The following SPIRE1 variants were observed in gnomAD, a reference collection of about 807,000 sequenced individuals.
SPIRE1 encodes the protein spire type actin nucleation factor 1, also known as protein spire homolog 1.
A neutral mutation model predicts 94.1 loss-of-function variants in SPIRE1; 40 were observed. That is an observed-to-expected ratio of 0.43 (90% confidence interval 0.33 to 0.55). The LOEUF (loss-of-function observed/expected upper bound fraction) is 0.55, where lower values mean the gene tolerates loss of function less well. SPIRE1 is among the 20% of genes least tolerant of loss of function. The probability of loss-of-function intolerance (pLI) is 0.06; values close to 1 mark genes in which losing one functional copy is unlikely to be tolerated. For synonymous variants in SPIRE1, 376 were observed against 371.7 expected (o/e 1.01, Z -0.13); for missense variants, 838 against 975.2 (o/e 0.86, Z 1.87).
chr18:12,522,662 T>A (rs1174864886), intron 4 of SPIRE1, among the ~76,000 whole-genome samples: 1 of 152,214 alleles, frequency 6.6e-6, no homozygotes, highest in Non-Finnish European at 1.5e-5. Flanking sequence ...TGTTAGGGGC[T>A]AATGTGGGTG....
intron 2 of SPIRE1, among the ~76,000 whole-genome samples, chr18:12,583,644 C>T (rs962144301): frequency 5.9e-5 from 9 of 151,384 alleles, no homozygotes; most frequent in African/African-American, 1.9e-4. Flanking sequence ...TAAAAAAAGG[C>T]CAGGCCAGGT....
At chr18:12,468,969 C>A (rs1029271887) in intron 10 of SPIRE1, among the ~76,000 whole-genome samples, 19 of 151,974 alleles carry the variant, frequency 1.3e-4, no homozygotes, top group African/African-American at 4.6e-4. Flanking sequence ...GAGGCTGAGG[C>A]AGGAGAATCC....
intron 2 of SPIRE1, among the ~76,000 whole-genome samples, chr18:12,575,640 T>G (rs954620426): frequency 5.3e-5 from 8 of 152,236 alleles, no homozygotes; most frequent in African/African-American, 1.9e-4. Flanking sequence ...AATTTAGATA[T>G]GCTTTTGTTG....
At position 12,546,777 on chromosome 18, in the gene SPIRE1, T is replaced by G; in HGVS notation, c.500A>C (p.Asp167Ala). Residue 167 changes from aspartate to alanine, a missense_variant, in exon 3 of 17, where the codon GAC (aspartate) becomes GCC (alanine). Around this residue, in one of 2 missense-constraint regions of SPIRE1, gnomAD observed 645 missense variants for 804.7 expected, o/e 0.80. Coordinates refer to ENST00000409402, the MANE Select transcript of SPIRE1 (RefSeq NM_001128626.2). ...CTCATAGCCCTCATCATTGCTACCG[T>G]CAGCTTCCACCGTGTTGGCCATGTG... Reference protein sequence around the residue: ...IDHMANTVEADGSNDEGYEAA... With the variant: ...IDHMANTVEAAGSNDEGYEAA... The G allele has an allele frequency of 6.2e-7, 1 of 1,614,124 alleles. No homozygotes were observed. Among genetic ancestry groups the G allele is most frequent in the Non-Finnish European group, 8.5e-7 (1 of 1,180,030 alleles).
At chr18:12,453,579 A>G (rs1261016647) in intron 13 of SPIRE1, among the ~76,000 whole-genome samples, 1 of 151,736 alleles carries the variant, frequency 6.6e-6, no homozygotes, top group Non-Finnish European at 1.5e-5. Context: ...GACTACAGGC[A>G]CCTGCTACCA....
At chr18:12,539,085 ATCAT>A (rs1233250054) in intron 3 of SPIRE1, among the ~76,000 whole-genome samples, 2 of 152,158 alleles carry the variant, frequency 1.3e-5, no homozygotes, top group East Asian at 3.8e-4. Flanking sequence ...AAAGCATCCA[ATCAT>A]TCATTCAAAC....
intron 2 of SPIRE1, among the ~76,000 whole-genome samples, chr18:12,599,232 ATTGCATTTGTTG>A (rs1472700769): frequency 6.6e-6 from 1 of 152,136 alleles, no homozygotes; most frequent in African/African-American, 2.4e-5. Context: ...AGGCTCATCC[ATTGCATTTGTTG>A]TCTTATCTCT....
intron 3 of SPIRE1, among the ~76,000 whole-genome samples, chr18:12,541,025 C>G (rs910735318): frequency 5.9e-5 from 9 of 152,184 alleles, no homozygotes; most frequent in African/African-American, 2.2e-4. Context: ...CAAGCCTGGT[C>G]TGCATACCAC....
rs781474266 is a variant in SPIRE1, at chr18:12,496,063, G to A, written c.1012C>T (p.His338Tyr). ...CTGATGAAGTCGAGGATGATTTCAT[G>A]AGCACTCTTTTTTAACCGAGGGGGA... Reference protein sequence around the residue: ...DIPPRLKKSAHEIILDFIRSR... With the variant: ...DIPPRLKKSAYEIILDFIRSR... Residue 338 changes from histidine (H) to tyrosine (Y), a missense_variant, in exon 7 of 17, where the codon CAT becomes TAT. Transcript: ENST00000409402. 6.2e-7 allele frequency: 1 copy of A among 1,613,856 alleles called. No individual in the cohort carries two copies. Among genetic ancestry groups the A allele is most frequent in the South Asian group, 1.1e-5 (1 of 91,070 alleles).
upstream of SPIRE1, chr18:12,658,643 C>T (rs1311210312): frequency 2.1e-6 from 1 of 467,850 alleles, no homozygotes; most frequent in African/African-American, 2.0e-5. Flanking sequence ...AAAATGCAGG[C>T]CCGCTGAAGC....
At chr18:12,525,292 AAAAAAAT>A (rs1254536502) in intron 4 of SPIRE1, among the ~76,000 whole-genome samples, 10 of 146,746 alleles carry the variant, frequency 6.8e-5, no homozygotes, top group African/African-American at 1.7e-4. Flanking sequence ...AAAAAAAAAA[AAAAAAAT>A]AATAATAATA....
chr18:12,491,880 A>G (rs548106655), intron 8 of SPIRE1, among the ~76,000 whole-genome samples: 1 of 152,342 alleles, frequency 6.6e-6, no homozygotes, highest in South Asian at 2.1e-4. Context: ...AGAAGAGTAG[A>G]AGATTAAAAA....
chr18:12,568,183 G>C (rs1026129708), intron 2 of SPIRE1, among the ~76,000 whole-genome samples: 4 of 152,208 alleles, frequency 2.6e-5, no homozygotes, highest in African/African-American at 9.7e-5. Flanking sequence ...ATTTTTCACA[G>C]TCATGGTGAA....
chr18:12,641,371 TTTC>T (rs1206166081), intron 1 of SPIRE1, among the ~76,000 whole-genome samples: 3 of 118,774 alleles, frequency 2.5e-5, no homozygotes, highest in Non-Finnish European at 6.0e-5. Flanking sequence ...AATTTCTTTT[TTTC>T]TTTTTTTTTT....
chr18:12,561,034 T>A (rs2035667943), intron 2 of SPIRE1, among the ~76,000 whole-genome samples: 1 of 152,170 alleles, frequency 6.6e-6, no homozygotes, highest in Non-Finnish European at 1.5e-5. Context: ...GGAGACCCCA[T>A]TACCCCAGTG....
chr18:12,608,675 A>C (rs1191250750), intron 2 of SPIRE1, among the ~76,000 whole-genome samples: 1 of 152,222 alleles, frequency 6.6e-6, no homozygotes, highest in Non-Finnish European at 1.5e-5. Context: ...TACAGGTATT[A>C]TCCTCTGGTA....
At chr18:12,610,864 C>T (rs1184650779) in intron 2 of SPIRE1, among the ~76,000 whole-genome samples, 1 of 152,126 alleles carries the variant, frequency 6.6e-6, no homozygotes, top group African/African-American at 2.4e-5. Context: ...AAGAGAACAT[C>T]CACAAACCTC....
At chr18:12,524,157 T>C (rs2034438203) in intron 4 of SPIRE1, among the ~76,000 whole-genome samples, 1 of 152,258 alleles carries the variant, frequency 6.6e-6, no homozygotes, top group African/African-American at 2.4e-5. Context: ...TGTATTGGAT[T>C]ATATTGTGTA....
chr18:12,647,304 T>G (rs2038253610), intron 1 of SPIRE1, among the ~76,000 whole-genome samples: 1 of 152,176 alleles, frequency 6.6e-6, no homozygotes, highest in Non-Finnish European at 1.5e-5. Context: ...TAGAAACATA[T>G]TCAACAAAAA....
Sources: gnomAD v4.1 joint callset for allele counts (sites outside exome capture counted in the v4.1 genomes callset) on GRCh38, gnomAD v4.1.1 for gene constraint, gnomAD v4.1.1 regional missense constraint, MANE v1.5 for transcripts, NCBI Gene and HGNC (gene_info 2026-07-23, HGNC 2026-07-21) for gene names.